Variants in BLK observed in about 807,000 individuals in gnomAD.
BLK encodes BLK proto-oncogene, Src family tyrosine kinase.
Under a neutral mutation model 61.8 loss-of-function variants are expected in BLK, and 64 were observed. The ratio of observed to expected loss-of-function variants is 1.03; its 90% CI spans 0.85 to 1.27. The LOEUF (loss-of-function observed/expected upper bound fraction) is 1.27. BLK is among the 50% of genes most tolerant of loss of function. The pLI, the probability that BLK is intolerant of heterozygous loss-of-function variation, is 0.00. For synonymous variants in BLK, 351 were observed against 272.0 expected (o/e 1.29, Z -2.86); for missense variants, 853 against 660.5 (o/e 1.29, Z -3.19).
At chr8:11,508,713 C>T (rs569418392) in intron 1 of BLK, among the ~76,000 whole-genome samples, 38 of 152,322 alleles carry the variant, frequency 2.5e-4, no homozygotes, top group East Asian at 1.7e-3. Flanking sequence ...GGGCCTCGGG[C>T]GGCAGAAATA....
intron 5 of BLK, 98 bp from the exon 6 acceptor site, chr8:11,550,061 T>G: frequency 1.4e-5 from 16 of 1,119,354 alleles, no homozygotes; most frequent in Non-Finnish European, 2.2e-5. Flanking sequence ...TGCTAGATTT[T>G]TATTTCTTGG....
At chr8:11,556,441 C>A (rs1801227310) in intron 8 of BLK, 5 of 612,176 alleles carry the variant, frequency 8.2e-6, no homozygotes, top group Non-Finnish European at 1.5e-5. Flanking sequence ...AAATGCCCCC[C>A]AGGCAGGGTA....
At position 11,556,723 on chromosome 8, in the gene BLK, G is replaced by A; in HGVS notation, c.838G>A (p.Ala280Thr). The A allele has an allele frequency of 6.2e-7, 1 of 1,614,206 alleles. No individual in the cohort carries two copies. The highest frequency in any genetic ancestry group is 1.1e-5 in the South Asian group (1 of 91,080). ...TLKEGTMSPEAFLGEANVMKA... is the reference protein window; with the variant it reads ...TLKEGTMSPETFLGEANVMKA... The stretch of plus-strand genomic sequence containing the variant: ...GAAGGAGGGAACCATGTCTCCAGAA[G>A]CCTTTCTGGGTGAGGCCAACGTGAT... Residue 280 changes from alanine to threonine, a missense_variant, in exon 9 of 13, where the codon GCC becomes ACC. By Grantham distance (58) the Ala-to-Thr change is moderately conservative. Coordinates refer to ENST00000259089, the MANE Select transcript of BLK (RefSeq NM_001715.3).
At chr8:11,518,625 G>T (rs946132563) in intron 1 of BLK, among the ~76,000 whole-genome samples, 1 of 152,070 alleles carries the variant, frequency 6.6e-6, no homozygotes. Flanking sequence ...CTAGTGTCCT[G>T]CTTCACCCGC....
chr8:11,544,220 C>T (rs1380639632), intron 2 of BLK, among the ~76,000 whole-genome samples: 3 of 152,180 alleles, frequency 2.0e-5, no homozygotes, highest in African/African-American at 7.2e-5. Flanking sequence ...CTGCCTTGGC[C>T]TCCCAAAGTG....
At chr8:11,526,596 G>A (rs958919848) in intron 1 of BLK, among the ~76,000 whole-genome samples, 2 of 152,188 alleles carry the variant, frequency 1.3e-5, no homozygotes, top group African/African-American at 4.8e-5. Context: ...GCACATGCCT[G>A]TCGTCCCAGC....
chr8:11,504,294 G>A (rs920608841), intron 1 of BLK, among the ~76,000 whole-genome samples: 11 of 150,882 alleles, frequency 7.3e-5, no homozygotes, highest in Non-Finnish European at 1.6e-4. Context: ...TTGCACTCCA[G>A]CTTGAGCAAC....
intron 5 of BLK, 41 bp downstream of exon 5, chr8:11,549,163 C>A (rs934202373): frequency 4.6e-6 from 7 of 1,530,510 alleles, no homozygotes; most frequent in African/African-American, 1.4e-5. Context: ...AAGATGCAGT[C>A]ACTGTTTCTG....
intron 1 of BLK, among the ~76,000 whole-genome samples, chr8:11,523,230 A>G (rs1799521978): frequency 6.6e-6 from 1 of 152,228 alleles, no homozygotes; most frequent in Non-Finnish European, 1.5e-5. Context: ...TTTACTGCAT[A>G]ATACATACCA....
intron 3 of BLK, among the ~76,000 whole-genome samples, chr8:11,546,801 C>G (rs1800666099): frequency 6.6e-6 from 1 of 152,212 alleles, no homozygotes. Context: ...GTCTTAAACT[C>G]CTGACCTCAG....
rs1554540059 is a variant in BLK at position 11,504,367 on chromosome 8, G to GGAAGGAAGGAAGAAAGAAAAGA, written c.-2+9776_-2+9777insGAAGGAAGGAAGAAAGAAAAGA. ...AGGAAGGAAGGAAGGAAGGAAGGAA[G>GGAAGGAAGGAAGAAAGAAAAGA]AAAGAAAAGAAAAGAAAAGAAAAGA... is the stretch of plus-strand genomic sequence containing the variant. On this transcript the variant is annotated intron_variant, in intron 1 of 12. Transcript: ENST00000259089. 2.0e-4 allele frequency among the ~76,000 whole-genome samples: 8 copies of GGAAGGAAGGAAGAAAGAAAAGA among 39,376 alleles called. No individual in the cohort carries two copies. In the South Asian group the frequency reaches 5.8e-3, roughly 29 times the overall value. The allele number at this position is 39,376 out of a possible 152,430, so 25.8% of individuals were successfully genotyped here. A position where few individuals can be genotyped will look rare whatever the true frequency, so the allele number is the denominator to read the frequency against.
At position 11,555,269 on chromosome 8, in the gene BLK, C is replaced by T. The variant is rs1801143669; in HGVS notation, c.620-63C>T. The T allele has an allele frequency of 3.1e-6, 5 of 1,608,980 alleles. No individual in the cohort carries two copies. The South Asian group carries it at 3.3e-5, about 11-fold the overall frequency. On this transcript the variant is annotated intron_variant, in intron 7 of 12. Transcript: ENST00000259089. ...GGAGGGCCAGCTAGGAATGATACAG[C>T]TCCCAAGGTAGAGCCTGGCTGCTCT...
At chr8:11,563,846 C>CACTGTG in intron 12 of BLK, 57 bp from the exon 13 acceptor site, 2 of 1,527,042 alleles carry the variant, frequency 1.3e-6, no homozygotes, top group Non-Finnish European at 1.8e-6. Context: ...GCTCAGGGCC[C>CACTGTG]CCCACCCACC....
intron 2 of BLK, 134 bp downstream of exon 2, chr8:11,543,481 G>A (rs1800484124): frequency 1.5e-6 from 2 of 1,290,376 alleles, no homozygotes; most frequent in Non-Finnish European, 2.1e-6. Flanking sequence ...ATAAGCAGGT[G>A]TGCCATGCAA....
At chr8:11,505,475 T>C (rs910884653) in intron 1 of BLK, among the ~76,000 whole-genome samples, 22 of 152,210 alleles carry the variant, frequency 1.4e-4, no homozygotes, top group Non-Finnish European at 3.2e-4. Context: ...CTGTAGCCTC[T>C]GGCCGGTGTC....
At chr8:11,560,518 A>G (rs1801461082) in intron 10 of BLK, 3 of 277,032 alleles carry the variant, frequency 1.1e-5, no homozygotes, top group Non-Finnish European at 2.1e-5. Context: ...GAAGAGGTAA[A>G]TGGGGTCTCT....
chr8:11,522,101 A>G (rs1799474846), intron 1 of BLK, among the ~76,000 whole-genome samples: 1 of 152,170 alleles, frequency 6.6e-6, no homozygotes, highest in African/African-American at 2.4e-5. Context: ...CGTTCAGTAA[A>G]GTTTACGTCT....
At position 11,557,988 on chromosome 8, in the gene BLK, G is replaced by C; in HGVS notation, c.979G>C (p.Asp327His). 1 of 1,614,104 alleles carries C rather than the reference G, an allele frequency of 6.2e-7. No homozygotes were observed. Among genetic ancestry groups the C allele is most frequent in the East Asian group, 2.2e-5 (1 of 44,876 alleles). ...ATGCCTGCTGGATTTCCTGAAGACA[G>C]ATGAAGGGAGCAGATTGTCACTCCC... ...RGCLLDFLKT[D>H]EGSRLSLPRL... The change falls in exon 10 of 13, where the codon GAT becomes CAT. Residue 327 changes from aspartate (D) to histidine (H), a missense_variant. Transcript: ENST00000259089.
At chr8:11,502,518 C>A (rs1198437705) in intron 1 of BLK, among the ~76,000 whole-genome samples, 1 of 152,124 alleles carries the variant, frequency 6.6e-6, no homozygotes, top group African/African-American at 2.4e-5. Flanking sequence ...GAACTCCTGA[C>A]CTCAAGTGAT....
Sources: allele counts gnomAD v4.1 joint callset (sites outside exome capture counted in the v4.1 genomes callset), GRCh38; gene constraint gnomAD v4.1.1; transcripts MANE v1.5; gene names NCBI Gene and HGNC (gene_info 2026-07-23, HGNC 2026-07-21).